Variants in CD226 observed in about 807,000 individuals in gnomAD.
CD226 encodes the protein CD226 molecule.
A neutral mutation model predicts 34.9 loss-of-function variants in CD226; 24 were observed. That is an observed-to-expected ratio of 0.69 (90% CI 0.50 to 0.97). The LOEUF (loss-of-function observed/expected upper bound fraction) is 0.97. Ranked by LOEUF, CD226 falls within the 50% of genes least tolerant of loss-of-function variation. CD226 has a pLI of 0.00. For synonymous variants in CD226, 148 were observed against 147.4 expected (o/e 1.00, Z -0.03); for missense variants, 397 against 412.7 (o/e 0.96, Z 0.33).
chr18:69,881,579 G>A (rs17081766), intron 3 of CD226, among the ~76,000 whole-genome samples: 6 of 152,178 alleles, frequency 3.9e-5, no homozygotes, highest in African/African-American at 7.2e-5. Flanking sequence ...AGCGCCAAAC[G>A]ATTTAGGTTA....
chr18:69,893,220 CA>C (rs1985009885), intron 3 of CD226, among the ~76,000 whole-genome samples: 1 of 152,182 alleles, frequency 6.6e-6, no homozygotes, highest in Non-Finnish European at 1.5e-5. Context: ...AACTGAATGT[CA>C]AAAAGCCATT....
rs906317091 is a variant in CD226, at chr18:69,862,314, T to C, written c.*2000A>G. ...TGGAGTTTTCCAGAAAGTAATATTT[T>C]GATTGTCTTTACCATTCAGAAAAGA... On this transcript the variant is annotated 3_prime_UTR_variant, in exon 6 of 6. Transcript: ENST00000582621. 6.6e-6 allele frequency: 1 copy of C among 152,208 alleles called. No homozygotes were observed. Among genetic ancestry groups the C allele is most frequent in the African/African-American group, 2.4e-5 (1 of 41,472 alleles). 9.4% of individuals were successfully genotyped at this position (152,208 alleles called of 1,614,324 possible). A position where few individuals can be genotyped will look rare whatever the true frequency, so the allele number is the denominator to read the frequency against.
upstream of CD226, among the ~76,000 whole-genome samples, chr18:69,950,244 A>T (rs948364489): frequency 6.6e-6 from 1 of 151,710 alleles, no homozygotes; most frequent in Non-Finnish European, 1.5e-5. Context: ...ATTTGCACAC[A>T]CTCTCACACA....
chr18:69,861,158 ATATAG>A lies in CD226; in HGVS notation c.*3151_*3155del, dbSNP rs139172469. On this transcript the variant is annotated 3_prime_UTR_variant, in exon 6 of 6. Coordinates refer to ENST00000582621, the MANE Select transcript of CD226 (RefSeq NM_001303618.2). ...TAACCCATGTATTTTAAGTTTATAT[ATATAG>A]TATTTTAGTAATACACTGAATTACT... 682 of 152,188 alleles carry A rather than the reference ATATAG, an allele frequency of 4.5e-3. 12 individuals carry two copies. Among genetic ancestry groups the A allele is most frequent in the African/African-American group, 0.016 (652 of 41,566 alleles). 9.4% of individuals were successfully genotyped at this position (152,188 alleles called of 1,614,324 possible).
intron 2 of CD226, among the ~76,000 whole-genome samples, chr18:69,922,618 A>G (rs2055466034): frequency 6.6e-6 from 1 of 152,176 alleles, no homozygotes; most frequent in African/African-American, 2.4e-5. Flanking sequence ...ACTTCTGTAA[A>G]TGGAACAATT....
intron 2 of CD226, among the ~76,000 whole-genome samples, chr18:69,937,258 G>T (rs1055100184): frequency 6.6e-6 from 1 of 152,150 alleles, no homozygotes; most frequent in African/African-American, 2.4e-5. Flanking sequence ...GTGTTTTGTT[G>T]TTGGGGTCCT....
At chr18:69,891,289 A>T (rs1374648854) in intron 3 of CD226, among the ~76,000 whole-genome samples, 1 of 94,544 alleles carries the variant, frequency 1.1e-5, no homozygotes, top group Non-Finnish European at 2.0e-5. Context: ...TTGTGTGATT[A>T]AAAAAAAAAA....
chr18:69,947,006 C>T lies in CD226; in HGVS notation c.110G>A (p.Cys37Tyr). The change falls in exon 2 of 6, where the codon TGT becomes TAT. Residue 37 changes from cysteine to tyrosine, a missense_variant. Physicochemically the swap from Cys to Tyr is radical, Grantham distance 194 (BLOSUM62 -2). Transcript: ENST00000582621. ...VPFAENMSLE[C>Y]VYPSMGILTQ... The stretch of plus-strand genomic sequence containing the variant: ...TAAGATGCCCATTGATGGATACACA[C>T]ATTCTAGAGACATGTTCTCGGCAAA... The T allele has an allele frequency of 6.2e-7, 1 of 1,614,214 alleles. No individual in the cohort carries two copies. The highest frequency in any genetic ancestry group is 8.5e-7 in the Non-Finnish European group (1 of 1,180,026).
intron 3 of CD226, among the ~76,000 whole-genome samples, chr18:69,889,837 G>A (rs780277121): frequency 2.6e-5 from 4 of 152,128 alleles, no homozygotes; most frequent in African/African-American, 4.8e-5. Flanking sequence ...TCTCTTAGCT[G>A]TGGCACTATG....
chr18:69,958,510 T>C (rs563984555), upstream of CD226, among the ~76,000 whole-genome samples: 4 of 152,326 alleles, frequency 2.6e-5, no homozygotes, highest in African/African-American at 9.6e-5. Flanking sequence ...AAGACAAGTT[T>C]TCTTTTGAGT....
chr18:69,925,582 A>G (rs140600278), intron 2 of CD226, among the ~76,000 whole-genome samples: 1,885 of 152,048 alleles, frequency 0.012, 24 homozygotes, highest in South Asian at 0.038. Context: ...CACTCATCCA[A>G]TCAGTTGCTG....
At chr18:69,865,873 G>A (rs1983110781) in intron 5 of CD226, among the ~76,000 whole-genome samples, 1 of 152,152 alleles carries the variant, frequency 6.6e-6, no homozygotes, top group Non-Finnish European at 1.5e-5. Context: ...ATATACTTTT[G>A]GCTAGGAATT....
intron 3 of CD226, among the ~76,000 whole-genome samples, chr18:69,893,385 T>C (rs894283908): frequency 1.3e-5 from 2 of 152,252 alleles, no homozygotes; most frequent in Non-Finnish European, 2.9e-5. Context: ...ATGAATGACA[T>C]TTTTATTAAT....
intron 1 of CD226, among the ~76,000 whole-genome samples, chr18:69,954,753 G>C (rs1599038853): frequency 6.6e-6 from 1 of 152,216 alleles, no homozygotes; most frequent in Middle Eastern, 3.4e-3. Context: ...TGGAATTGAG[G>C]GTCCTAGAGG....
intron 1 of CD226, among the ~76,000 whole-genome samples, chr18:69,953,829 G>A (rs1169589083): frequency 6.6e-5 from 10 of 151,990 alleles, no homozygotes; most frequent in Admixed American, 1.3e-4. Context: ...GTGAAACCCC[G>A]ACTCTACTAA....
chr18:69,887,642 C>G (rs1286159482), intron 3 of CD226, among the ~76,000 whole-genome samples: 1 of 152,156 alleles, frequency 6.6e-6, no homozygotes, highest in East Asian at 1.9e-4. Context: ...TTCCACCAAT[C>G]CAACTGAGAG....
At chr18:69,877,227 G>T (rs1362389133) in intron 3 of CD226, among the ~76,000 whole-genome samples, 3 of 152,126 alleles carry the variant, frequency 2.0e-5, no homozygotes, top group Admixed American at 6.5e-5. Flanking sequence ...CCTTTTTCAG[G>T]TTTGGTTAAT....
chr18:69,888,748 T>C (rs1159731205), intron 3 of CD226, among the ~76,000 whole-genome samples: 1 of 152,100 alleles, frequency 6.6e-6, no homozygotes. Context: ...TTGTTTATAG[T>C]GGTGTTCTGT....
At chr18:69,921,829 C>T (rs1334262378) in intron 2 of CD226, among the ~76,000 whole-genome samples, 3 of 152,052 alleles carry the variant, frequency 2.0e-5, no homozygotes, top group Admixed American at 6.5e-5. Context: ...TTCTTTCCTC[C>T]GGGTTTTTTG....
Sources: allele counts gnomAD v4.1 joint callset (sites outside exome capture counted in the v4.1 genomes callset), GRCh38; gene constraint gnomAD v4.1.1; transcripts MANE v1.5; gene names NCBI Gene and HGNC (gene_info 2026-07-23, HGNC 2026-07-21).